Variants in PLA2G4A observed in about 807,000 individuals in gnomAD.
PLA2G4A encodes the protein cytosolic phospholipase A2.
In PLA2G4A, 40 loss-of-function variants were observed where a neutral mutation model predicts 81.9. That is an observed-to-expected ratio of 0.49 (90% CI 0.38 to 0.64). PLA2G4A has a LOEUF of 0.64. Ranked by LOEUF, PLA2G4A falls within the 30% of genes least tolerant of loss-of-function variation. The pLI is 0.00. For missense variants in PLA2G4A, 715 were observed against 905.1 expected, an observed-to-expected ratio of 0.79 and a Z score of 2.69; for synonymous variants, 302 against 296.9, an observed-to-expected ratio of 1.02 and a Z score of -0.18.
rs959742419 is a variant in PLA2G4A at position 186,864,487 on chromosome 1, G to A, written c.34-5948G>A. On this transcript the variant is annotated intron_variant, in intron 2 of 17. Coordinates refer to ENST00000367466, the MANE Select transcript of PLA2G4A (RefSeq NM_024420.3). ...TGTCATTTTTGTGGTTTTTTTAATGGCAATTCTAGTTGGGATGAGGTAATA... is the reference window on the plus strand; with the variant it reads ...TGTCATTTTTGTGGTTTTTTTAATGACAATTCTAGTTGGGATGAGGTAATA... Among the ~76,000 whole-genome samples, 10 of 151,618 alleles carry A rather than the reference G, an allele frequency of 6.6e-5. No individual in the cohort carries two copies. In the East Asian group the frequency reaches 7.8e-4, roughly 12 times the overall value.
intron 2 of PLA2G4A, 63 bp downstream of exon 2, chr1:186,854,450 T>TTTACTA: frequency 1.9e-6 from 2 of 1,042,352 alleles, no homozygotes; most frequent in South Asian, 2.5e-5. Flanking sequence ...CTGTGAATAT[T>TTTACTA]GCGGGTGTTG....
chr1:186,840,110 G>A (rs752256511), intron 1 of PLA2G4A, among the ~76,000 whole-genome samples: 7 of 151,312 alleles, frequency 4.6e-5, no homozygotes, highest in Non-Finnish European at 8.8e-5. Flanking sequence ...CCCTGAGTAG[G>A]TGGGATTACA....
intron 1 of PLA2G4A, among the ~76,000 whole-genome samples, chr1:186,848,909 C>T (rs936566760): frequency 6.6e-6 from 1 of 152,094 alleles, no homozygotes; most frequent in East Asian, 1.9e-4. Flanking sequence ...AGGTGGTGAA[C>T]AGAGTGGTTA....
At chr1:186,949,067 C>A in intron 12 of PLA2G4A, among the ~76,000 whole-genome samples, 1 of 152,132 alleles carries the variant, frequency 6.6e-6, no homozygotes, top group African/African-American at 2.4e-5. Context: ...AAACTACTTA[C>A]TCTCTAAGGA....
At chr1:186,920,677 TGCA>T (rs1655316630) in intron 7 of PLA2G4A, among the ~76,000 whole-genome samples, 4 of 152,228 alleles carry the variant, frequency 2.6e-5, no homozygotes, top group Non-Finnish European at 5.9e-5. Flanking sequence ...TTGGTTAGGT[TGCA>T]AGCGTGGGTG....
chr1:186,954,140 A>T (rs977578595), intron 13 of PLA2G4A, among the ~76,000 whole-genome samples: 1 of 152,206 alleles, frequency 6.6e-6, no homozygotes, highest in African/African-American at 2.4e-5. Context: ...ACACATGCAC[A>T]TGTATGTTTA....
intron 8 of PLA2G4A, among the ~76,000 whole-genome samples, chr1:186,934,112 G>A (rs1207264952): frequency 5.3e-5 from 8 of 152,046 alleles, no homozygotes; most frequent in African/African-American, 9.7e-5. Flanking sequence ...TGTTTAATGA[G>A]TAATGTGTTA....
chr1:186,856,525 G>C (rs1652559948), intron 2 of PLA2G4A, among the ~76,000 whole-genome samples: 1 of 151,788 alleles, frequency 6.6e-6, no homozygotes, highest in African/African-American at 2.4e-5. Flanking sequence ...CTGTAGCTGG[G>C]ATTATAGGCG....
At chr1:186,882,908 T>A (rs1329010188) in intron 3 of PLA2G4A, among the ~76,000 whole-genome samples, 4 of 152,228 alleles carry the variant, frequency 2.6e-5, no homozygotes, top group African/African-American at 9.6e-5. Context: ...ACAACTCTCG[T>A]GTTTCTAGGC....
At chr1:186,960,443 T>C (rs1275977922) in intron 14 of PLA2G4A, among the ~76,000 whole-genome samples, 1 of 152,194 alleles carries the variant, frequency 6.6e-6, no homozygotes, top group Non-Finnish European at 1.5e-5. Flanking sequence ...CATTCACACG[T>C]TTAGAAACCT....
intron 3 of PLA2G4A, among the ~76,000 whole-genome samples, chr1:186,874,637 C>T (rs1029023595): frequency 6.6e-6 from 1 of 152,032 alleles, no homozygotes; most frequent in Non-Finnish European, 1.5e-5. Context: ...GCATCATAAA[C>T]ATTAGAGCTT....
chr1:186,840,773 C>T (rs979985543), intron 1 of PLA2G4A, among the ~76,000 whole-genome samples: 1 of 152,108 alleles, frequency 6.6e-6, no homozygotes, highest in Non-Finnish European at 1.5e-5. Context: ...GAACTGTTTA[C>T]CTTAGAAAAA....
intron 17 of PLA2G4A, among the ~76,000 whole-genome samples, chr1:186,983,244 C>T (rs544537131): frequency 1.3e-5 from 2 of 152,262 alleles, no homozygotes; most frequent in African/African-American, 2.4e-5. Context: ...ATTCACACTT[C>T]GGCAACACAG....
At chr1:186,974,164 T>C (rs758107577) in intron 15 of PLA2G4A, among the ~76,000 whole-genome samples, 1 of 152,140 alleles carries the variant, frequency 6.6e-6, no homozygotes, top group African/African-American at 2.4e-5. Context: ...TATGCTATCA[T>C]ACTGTGTTTT....
At chr1:186,876,584 G>A (rs1300118964) in intron 3 of PLA2G4A, among the ~76,000 whole-genome samples, 1 of 152,050 alleles carries the variant, frequency 6.6e-6, no homozygotes, top group Non-Finnish European at 1.5e-5. Flanking sequence ...GCCATCACTG[G>A]CATCAACCCG....
chr1:186,883,872 T>C (rs1047399050), intron 3 of PLA2G4A, among the ~76,000 whole-genome samples: 15 of 152,142 alleles, frequency 9.9e-5, no homozygotes, highest in African/African-American at 3.6e-4. Context: ...TGGAAACTTA[T>C]GGAATAATGA....
At chr1:186,947,339 T>C (rs1204791350) in intron 12 of PLA2G4A, among the ~76,000 whole-genome samples, 1 of 152,120 alleles carries the variant, frequency 6.6e-6, no homozygotes, top group African/African-American at 2.4e-5. Flanking sequence ...CTGAAGCTTA[T>C]GCTTGTCAGT....
intron 12 of PLA2G4A, among the ~76,000 whole-genome samples, chr1:186,948,604 G>A (rs931050507): frequency 2.6e-5 from 4 of 152,054 alleles, no homozygotes; most frequent in African/African-American, 2.4e-5. Context: ...GATAACCCAG[G>A]GTTTGCTGTT....
At chr1:186,875,192 T>C (rs972022840) in intron 3 of PLA2G4A, among the ~76,000 whole-genome samples, 6 of 152,102 alleles carry the variant, frequency 3.9e-5, no homozygotes, top group Non-Finnish European at 7.4e-5. Flanking sequence ...CTGAGATCTA[T>C]AGGACTTGTG....
Sources: gnomAD v4.1 joint callset for allele counts (sites outside exome capture counted in the v4.1 genomes callset) on GRCh38, gnomAD v4.1.1 for gene constraint, MANE v1.5 for transcripts, NCBI Gene and HGNC (gene_info 2026-07-23, HGNC 2026-07-21) for gene names.